Variants in KCNJ10 observed in about 807,000 individuals in gnomAD.
KCNJ10 encodes the protein ATP-sensitive inward rectifier potassium channel 10.
In KCNJ10, 9 loss-of-function variants were observed where a neutral mutation model predicts 22.2. The ratio of observed to expected loss-of-function variants is 0.40; its 90% CI spans 0.24 to 0.71. The LOEUF is 0.71. Ranked by LOEUF, KCNJ10 falls within the 30% of genes least tolerant of loss-of-function variation. KCNJ10 has a pLI of 0.35. For synonymous variants in KCNJ10, 184 were observed against 187.3 expected (o/e 0.98, Z 0.15); for missense variants, 337 against 482.7 (o/e 0.70, Z 2.83).
Position 160,037,831 on chromosome 1 carries a change from T to C in KCNJ10, c.*3562A>G, listed in dbSNP as rs1287204214. 2 of 152,610 alleles carry C rather than the reference T, an allele frequency of 1.3e-5. No individual in the cohort carries two copies. The highest frequency in any genetic ancestry group is 2.9e-5 in the Non-Finnish European group (2 of 68,376). 9.5% of individuals were successfully genotyped at this position (152,610 alleles called of 1,614,324 possible). On this transcript the variant is annotated 3_prime_UTR_variant, in exon 2 of 2. Coordinates refer to ENST00000644903, the MANE Select transcript of KCNJ10 (RefSeq NM_002241.5). The stretch of plus-strand genomic sequence containing the variant: ...TTATAGGGAAACTACTGGATGATTT[T>C]ATTAGGCTGACAGGGGTTGGGGGAA...
chr1:160,062,109 C>CCCTG (rs1351447386), intron 1 of KCNJ10, among the ~76,000 whole-genome samples: 1 of 152,008 alleles, frequency 6.6e-6, no homozygotes, highest in East Asian at 1.9e-4. Flanking sequence ...AGCCTAGGGC[C>CCCTG]TCTCCCCTCT....
chr1:160,061,232 G>A (rs893100835), intron 1 of KCNJ10, among the ~76,000 whole-genome samples: 1 of 152,126 alleles, frequency 6.6e-6, no homozygotes, highest in Non-Finnish European at 1.5e-5. Flanking sequence ...AAAAACTAGC[G>A]GTGAGAGACC....
In KCNJ10 at chr1:160,040,637, G is replaced by C. The variant is rs1412534820; in HGVS notation, c.*756C>G. The C allele has an allele frequency of 2.5e-6, 1 of 398,958 alleles. No homozygotes were observed. Among genetic ancestry groups the C allele is most frequent in the East Asian group, 3.6e-5 (1 of 28,066 alleles). The allele number at this position is 398,958 out of a possible 1,614,324, so 24.7% of individuals were successfully genotyped here. A position where few individuals can be genotyped will look rare whatever the true frequency, so the allele number is the denominator to read the frequency against. On this transcript the variant is annotated 3_prime_UTR_variant, in exon 2 of 2. Transcript: ENST00000644903. ...GGTTTAAAGGTTTAGATAACAACTT[G>C]TGTTAGTCACTCCAAATTGAAGAGT...
rs563827408 is a variant in KCNJ10, at chr1:160,058,612, T to C, written c.-1+11410A>G. Reference sequence around the variant, plus strand: ...TGACCAAGGACAAGAGAAATTAGTCTTGGGAGAAAGGATGAATGAAAAGTA... The same window carrying C: ...TGACCAAGGACAAGAGAAATTAGTCCTGGGAGAAAGGATGAATGAAAAGTA... On this transcript the variant is annotated intron_variant, in intron 1 of 1. Coordinates refer to ENST00000644903, the MANE Select transcript of KCNJ10 (RefSeq NM_002241.5). 6.6e-4 allele frequency among the ~76,000 whole-genome samples: 101 copies of C among 152,188 alleles called. 2 individuals carry two copies. The highest frequency in any genetic ancestry group is 2.3e-3 in the African/African-American group (95 of 41,518).
chr1:160,042,679 T>G, intron 1 of KCNJ10, 147 bp from the exon 2 acceptor site: 1 of 849,582 alleles, frequency 1.2e-6, no homozygotes, highest in Non-Finnish European at 1.9e-6. Context: ...GCACTTGCTA[T>G]GTGCCAGGCA....
Position 160,040,103 on chromosome 1 carries a change from A to G in KCNJ10, c.*1290T>C, listed in dbSNP as rs1160467021. On this transcript the variant is annotated 3_prime_UTR_variant, in exon 2 of 2. Coordinates refer to ENST00000644903, the MANE Select transcript of KCNJ10 (RefSeq NM_002241.5). ...TGAGGGAAGCCATGGTTATTTGATC[A>G]GAAGGTATAATTTCATTTCCTTCCA... is the stretch of plus-strand genomic sequence containing the variant. The G allele has an allele frequency of 6.3e-6, 1 of 158,974 alleles. No individual in the cohort carries two copies. Among genetic ancestry groups the G allele is most frequent in the Non-Finnish European group, 1.4e-5 (1 of 72,746 alleles). The allele number at this position is 158,974 out of a possible 1,614,324, so 9.8% of individuals were successfully genotyped here.
At position 160,041,228 on chromosome 1, in the gene KCNJ10, C is replaced by G; in HGVS notation, c.*165G>C. The G allele has an allele frequency of 1.5e-6, 1 of 688,800 alleles. No homozygotes were observed. Among genetic ancestry groups the G allele is most frequent in the Non-Finnish European group, 2.5e-6 (1 of 395,068 alleles). 42.7% of individuals were successfully genotyped at this position (688,800 alleles called of 1,614,324 possible). A position where few individuals can be genotyped will look rare whatever the true frequency, so the allele number is the denominator to read the frequency against. ...GGAAAGGGGACAGTGGGAGGCGAACCTGGACTCCAGTTGGCCTAAGCTACC... is the reference window on the plus strand; with the variant it reads ...GGAAAGGGGACAGTGGGAGGCGAACGTGGACTCCAGTTGGCCTAAGCTACC... On this transcript the variant is annotated 3_prime_UTR_variant, in exon 2 of 2. Coordinates refer to ENST00000644903, the MANE Select transcript of KCNJ10 (RefSeq NM_002241.5). The surrounding 1 kb of genome is among the most constrained non-coding windows in gnomAD (Gnocchi z 4.4).
intron 1 of KCNJ10, among the ~76,000 whole-genome samples, chr1:160,067,676 A>G (rs543550530): frequency 6.6e-5 from 10 of 152,132 alleles, no homozygotes; most frequent in African/African-American, 2.4e-4. Context: ...CGTCCTAAAT[A>G]ACCTGTGGCT....
Position 160,039,148 on chromosome 1 carries a change from A to C in KCNJ10, c.*2245T>G, listed in dbSNP as rs1300130574. 1 of 152,690 alleles carries C rather than the reference A, an allele frequency of 6.5e-6. No homozygotes were observed. 9.5% of individuals were successfully genotyped at this position (152,690 alleles called of 1,614,324 possible). A position where few individuals can be genotyped will look rare whatever the true frequency, so the allele number is the denominator to read the frequency against. On this transcript the variant is annotated 3_prime_UTR_variant, in exon 2 of 2. Coordinates refer to ENST00000644903, the MANE Select transcript of KCNJ10 (RefSeq NM_002241.5). ...GTGGGAGAAGATGCCAGATCGCATT[A>C]ATAGGACAGTGTGATTTAAAGTGCA... is the stretch of plus-strand genomic sequence containing the variant.
At chr1:160,069,695 G>A (rs1649406781) in intron 1 of KCNJ10, among the ~76,000 whole-genome samples, 4 of 152,198 alleles carry the variant, frequency 2.6e-5, no homozygotes, top group Admixed American at 2.6e-4. Context: ...TGTATGGGGT[G>A]CCTGGTTATG....
chr1:160,041,496 G>C lies in KCNJ10; in HGVS notation c.1037C>G (p.Thr346Ser), dbSNP rs375092803. ...CTTTTCAGGGTCTCCGTAGCGTACA[G>C]TGCTGTCACGGAGGCCACTAGGAGA... ...VASPSGLRDS[T>S]VRYGDPEKLK... The change falls in exon 2 of 2, where the codon ACT (threonine) becomes AGT (serine). Residue 346 changes from threonine (T) to serine (S), a missense_variant. This residue lies in a region of KCNJ10 where 65 missense variants were observed against 66.0 expected (regional missense o/e 0.98). Transcript: ENST00000644903. The surrounding 1 kb of genome is among the most constrained non-coding windows in gnomAD (Gnocchi z 4.4). 5.0e-6 allele frequency: 8 copies of C among 1,614,050 alleles called. No homozygotes were observed. The highest frequency in any genetic ancestry group is 5.9e-6 in the Non-Finnish European group (7 of 1,180,016).
chr1:160,061,086 C>T (rs1409296179), intron 1 of KCNJ10, among the ~76,000 whole-genome samples: 2 of 152,168 alleles, frequency 1.3e-5, no homozygotes, highest in Admixed American at 1.3e-4. Context: ...TTCTCCCCAC[C>T]CCTTCCCCTC....
At position 160,042,125 on chromosome 1, in the gene KCNJ10, G is replaced by T. The variant is rs762063217; in HGVS notation, c.408C>A (p.Ile136=). Residue 136 remains isoleucine (I), a synonymous_variant, in exon 2 of 2, where the codon ATC becomes ATA. Coordinates refer to ENST00000644903, the MANE Select transcript of KCNJ10 (RefSeq NM_002241.5). ...QTTIGYGFRY[I]SEECPLAIVL... ...CAATGGCCAGTGGACATTCCTCACTGATGTAGCGGAAGCCATAGCCAATGG... is the reference window on the plus strand; with the variant it reads ...CAATGGCCAGTGGACATTCCTCACTTATGTAGCGGAAGCCATAGCCAATGG... The T allele has an allele frequency of 6.4e-7, 1 of 1,567,964 alleles. No individual in the cohort carries two copies. The highest frequency in any genetic ancestry group is 8.6e-7 in the Non-Finnish European group (1 of 1,156,108).
intron 1 of KCNJ10, chr1:160,063,595 G>A (rs1649249662): frequency 6.6e-6 from 1 of 152,434 alleles, no homozygotes; most frequent in Non-Finnish European, 1.5e-5. Flanking sequence ...GAAAGGTAAA[G>A]TCTGCTTCTT....
intron 1 of KCNJ10, among the ~76,000 whole-genome samples, chr1:160,047,746 C>G (rs969083205): frequency 1.5e-4 from 23 of 152,288 alleles, no homozygotes; most frequent in Non-Finnish European, 2.9e-4. Flanking sequence ...CACCTCACCC[C>G]CCGCCAGATG....
At chr1:160,058,261 T>G (rs895309394) in intron 1 of KCNJ10, among the ~76,000 whole-genome samples, 3 of 152,148 alleles carry the variant, frequency 2.0e-5, no homozygotes, top group African/African-American at 7.2e-5. Flanking sequence ...TTTGGACACT[T>G]GGGGGCACTG....
At chr1:160,057,367 G>T (rs1649066587) in intron 1 of KCNJ10, among the ~76,000 whole-genome samples, 1 of 152,204 alleles carries the variant, frequency 6.6e-6, no homozygotes, top group South Asian at 2.1e-4. Flanking sequence ...TGATGCTCAA[G>T]TTACACCATC....
intron 1 of KCNJ10, among the ~76,000 whole-genome samples, chr1:160,043,434 C>T (rs1470421351): frequency 6.6e-6 from 1 of 152,216 alleles, no homozygotes; most frequent in African/African-American, 2.4e-5. Context: ...TCAAGATGCT[C>T]CCTAAGCACC....
chr1:160,049,675 TTA>T (rs57790887), intron 1 of KCNJ10, among the ~76,000 whole-genome samples: 3,326 of 46,696 alleles, frequency 0.071, 63 homozygotes, highest in Middle Eastern at 0.12. Flanking sequence ...TTTTATTTAT[TTA>T]TATATATATA....
Sources: allele counts gnomAD v4.1 joint callset (sites outside exome capture counted in the v4.1 genomes callset), GRCh38; gene constraint gnomAD v4.1.1; regional missense constraint gnomAD v4.1.1; non-coding constraint Gnocchi (gnomAD v3.1); transcripts MANE v1.5; gene names NCBI Gene and HGNC (gene_info 2026-07-23, HGNC 2026-07-21).